The following CCNH variants were observed in gnomAD, a reference collection of about 807,000 sequenced individuals.
CCNH encodes cyclin-H.
A neutral mutation model predicts 41.9 loss-of-function variants in CCNH; 31 were observed. That is an observed-to-expected ratio of 0.74 (90% confidence interval 0.56 to 1.00). CCNH has a LOEUF of 1.00. CCNH is among the 50% of genes least tolerant of loss of function. The pLI, the probability that CCNH is intolerant of heterozygous loss-of-function variation, is 0.00. For synonymous variants in CCNH, 138 were observed against 136.1 expected (o/e 1.01, Z -0.10); for missense variants, 362 against 388.4 (o/e 0.93, Z 0.57).
At chr5:87,386,138 T>A (rs1328361083) in intron 9 of CCNH, among the ~76,000 whole-genome samples, 1 of 152,020 alleles carries the variant, frequency 6.6e-6, no homozygotes, top group Non-Finnish European at 1.5e-5. Context: ...TGGATAGGCA[T>A]AATATTTTGT....
upstream of CCNH, chr5:87,378,288 A>AT (rs1761460043): frequency 7.5e-7 from 1 of 1,326,412 alleles, no homozygotes; most frequent in Non-Finnish European, 1.1e-6. Context: ...CAAAAAGCAC[A>AT]TTTAAGTGGC....
At chr5:87,352,397 C>G (rs1190257814) in intron 9 of CCNH, among the ~76,000 whole-genome samples, 1 of 151,362 alleles carries the variant, frequency 6.6e-6, no homozygotes, top group African/African-American at 2.4e-5. Context: ...CTCAAAAGTT[C>G]CCATTTGTCC....
intron 9 of CCNH, among the ~76,000 whole-genome samples, chr5:87,350,738 G>T (rs1295345967): frequency 6.6e-6 from 1 of 151,012 alleles, no homozygotes; most frequent in African/African-American, 2.4e-5. Context: ...AAAGTTAAAT[G>T]TATGTTAATT....
At chr5:87,377,759 C>CCA (rs1465979158), upstream of CCNH, among the ~76,000 whole-genome samples, 2 of 152,072 alleles carry the variant, frequency 1.3e-5, no homozygotes, top group African/African-American at 4.8e-5. Context: ...TCCCCCTGGC[C>CCA]CACACACACC....
intron 9 of CCNH, chr5:87,341,399 A>T (rs1758442790): frequency 2.8e-6 from 3 of 1,079,976 alleles, no homozygotes; most frequent in Non-Finnish European, 2.4e-6. Context: ...TTGGCCAAAA[A>T]AATTGTTTTT....
chr5:87,326,633 T>C (rs536894523), intron 9 of CCNH, among the ~76,000 whole-genome samples: 1 of 152,306 alleles, frequency 6.6e-6, no homozygotes, highest in South Asian at 2.1e-4. Context: ...TTAAGCAGTT[T>C]TAAGTCATAG....
chr5:87,390,933 A>G (rs769945333), downstream of CCNH: 2 of 1,528,304 alleles, frequency 1.3e-6, no homozygotes, highest in Non-Finnish European at 1.8e-6. Flanking sequence ...CAACATGGTA[A>G]TTCACTTCAG....
chr5:87,367,647 A>G (rs922548994), intron 9 of CCNH, among the ~76,000 whole-genome samples: 2 of 152,158 alleles, frequency 1.3e-5, no homozygotes, highest in Non-Finnish European at 2.9e-5. Context: ...TAGTGACACA[A>G]AGTTATTCTA....
chr5:87,322,755 C>A (rs1395515844), intron 9 of CCNH, among the ~76,000 whole-genome samples: 4 of 152,168 alleles, frequency 2.6e-5, no homozygotes, highest in African/African-American at 9.7e-5. Context: ...AGTTATAAGC[C>A]AGGAACTGTG....
intron 9 of CCNH, among the ~76,000 whole-genome samples, chr5:87,361,893 C>T (rs751011546): frequency 2.6e-5 from 4 of 151,702 alleles, no homozygotes; most frequent in Non-Finnish European, 5.9e-5. Context: ...TGGCAATTTA[C>T]CTTGAAAAAA....
intron 9 of CCNH, among the ~76,000 whole-genome samples, chr5:87,350,778 T>C (rs993820254): frequency 6.6e-6 from 1 of 151,666 alleles, no homozygotes; most frequent in African/African-American, 2.4e-5. Flanking sequence ...CCCAGAACTT[T>C]GATTTTTATA....
intron 8 of CCNH, 107 bp downstream of exon 8, chr5:87,394,937 C>T (rs764706434): frequency 6.4e-7 from 1 of 1,559,626 alleles, no homozygotes; most frequent in East Asian, 2.3e-5. Flanking sequence ...TGAAAAAACC[C>T]ACAACTCTAT....
chr5:87,350,077 C>T (rs938805807), intron 9 of CCNH, among the ~76,000 whole-genome samples: 1 of 151,730 alleles, frequency 6.6e-6, no homozygotes, highest in African/African-American at 2.4e-5. Context: ...CCCTCAGTAC[C>T]ACAGCAGTAT....
At chr5:87,398,475 G>A (rs1436154159) in intron 7 of CCNH, among the ~76,000 whole-genome samples, 1 of 152,144 alleles carries the variant, frequency 6.6e-6, no homozygotes, top group Non-Finnish European at 1.5e-5. Flanking sequence ...ACAGGAAATA[G>A]AAAATGGCAG....
At chr5:87,334,570 C>T (rs139468931) in intron 9 of CCNH, among the ~76,000 whole-genome samples, 2,267 of 152,314 alleles carry the variant, frequency 0.015, 31 homozygotes, top group African/African-American at 0.023. Context: ...TAAGACATAA[C>T]TTGCCTTTTT....
At chr5:87,410,152 A>G (rs1764117888) in intron 2 of CCNH, among the ~76,000 whole-genome samples, 1 of 152,232 alleles carries the variant, frequency 6.6e-6, no homozygotes, top group Non-Finnish European at 1.5e-5. Context: ...AGAAAAAAGA[A>G]TATTTCCTTT....
chr5:87,407,782 G>C (rs367824220), intron 4 of CCNH, among the ~76,000 whole-genome samples, 194 bp downstream of exon 4: 6 of 152,118 alleles, frequency 3.9e-5, no homozygotes, highest in Middle Eastern at 3.2e-3. Context: ...AACAATCTCA[G>C]TTAACAATTT....
In CCNH at chr5:87,364,504, T is replaced by C. The variant is rs565315084; in HGVS notation, c.*90+28266A>G. ...ACTTCATAAATTCATTTTACGAAGA[T>C]ACCCTTTTTTTTCCCCTGAATACTC... On this transcript the variant is annotated intron_variant and NMD_transcript_variant, in intron 9 of 9. Transcript: ENST00000645953. Among the ~76,000 whole-genome samples, 3 of 152,280 alleles carry C rather than the reference T, an allele frequency of 2.0e-5. No homozygotes were observed. In the South Asian group the frequency reaches 6.2e-4, roughly 32 times the overall value.
At chr5:87,390,264 T>G (rs1014126286), downstream of CCNH, among the ~76,000 whole-genome samples, 3 of 152,148 alleles carry the variant, frequency 2.0e-5, no homozygotes, top group Non-Finnish European at 4.4e-5. Flanking sequence ...ACAGGGACAG[T>G]TTTGACTAGT....
Sources: allele counts gnomAD v4.1 joint callset (sites outside exome capture counted in the v4.1 genomes callset), GRCh38; gene constraint gnomAD v4.1.1; transcripts MANE v1.5; gene names NCBI Gene and HGNC (gene_info 2026-07-23, HGNC 2026-07-21).